The following SMAD9 variants were observed in gnomAD, a reference collection of about 807,000 sequenced individuals.
The protein encoded by SMAD9 is SMAD family member 9, also known as MAD homolog 9.
SMAD9 carries 36 observed loss-of-function variants against 46.1 expected under a neutral mutation model. That is an observed-to-expected ratio of 0.78 (90% confidence interval 0.60 to 1.03). SMAD9 has a LOEUF of 1.03. Among genes scored for constraint, SMAD9 ranks in the 50% least tolerant of loss-of-function variants. The probability of loss-of-function intolerance (pLI) is 0.00; values close to 1 mark genes in which losing one functional copy is unlikely to be tolerated. For missense variants in SMAD9, 572 were observed against 599.8 expected, an observed-to-expected ratio of 0.95 and a Z score of 0.48; for synonymous variants, 245 against 237.1, an observed-to-expected ratio of 1.03 and a Z score of -0.31.
chr13:36,917,498 T>C (rs1160503178), intron 1 of SMAD9, among the ~76,000 whole-genome samples: 1 of 152,096 alleles, frequency 6.6e-6, no homozygotes, highest in East Asian at 1.9e-4. Context: ...TTTGAGAAGA[T>C]TCATGGTTTC....
chr13:36,906,837 G>A (rs1250584358), intron 1 of SMAD9, among the ~76,000 whole-genome samples: 1 of 152,168 alleles, frequency 6.6e-6, no homozygotes, highest in Non-Finnish European at 1.5e-5. Flanking sequence ...AGCAGGTGTG[G>A]GAGAGAGTCT....
At chr13:36,896,474 T>C (rs939927563) in intron 1 of SMAD9, among the ~76,000 whole-genome samples, 2 of 151,934 alleles carry the variant, frequency 1.3e-5, no homozygotes, top group South Asian at 2.1e-4. Context: ...CAACTCTTCC[T>C]CTCCATCTTC....
At chr13:36,852,110 T>C in intron 6 of SMAD9, 3 of 975,478 alleles carry the variant, frequency 3.1e-6, no homozygotes, top group Non-Finnish European at 3.7e-6. Flanking sequence ...TGAAACTGCT[T>C]TGTCACCATG....
At chr13:36,879,018 C>T (rs914420164) in intron 2 of SMAD9, among the ~76,000 whole-genome samples, 3 of 152,130 alleles carry the variant, frequency 2.0e-5, no homozygotes, top group African/African-American at 4.8e-5. Flanking sequence ...GGTTTTACTG[C>T]GATTCTCTTT....
intron 3 of SMAD9, among the ~76,000 whole-genome samples, chr13:36,871,230 T>G (rs2058290560): frequency 6.6e-6 from 1 of 152,148 alleles, no homozygotes. Flanking sequence ...TTCTAATGCC[T>G]GTGTGGGCTG....
intron 5 of SMAD9, among the ~76,000 whole-genome samples, chr13:36,860,480 C>T (rs2058170460): frequency 2.1e-5 from 3 of 143,760 alleles, no homozygotes; most frequent in South Asian, 2.2e-4. Context: ...GATGGAGTCT[C>T]GCTCTGTCGC....
rs550073683 is a variant in SMAD9 at position 36,899,708 on chromosome 13, C to T, written c.-186-19833G>A. 1.8e-4 allele frequency among the ~76,000 whole-genome samples: 27 copies of T among 152,176 alleles called. No homozygotes were observed. In the South Asian group the frequency reaches 5.6e-3, roughly 32 times the overall value. ...CAGGGTCTGGAGCTCAAAGAAGAGGCTGAACTGAAGGATGGAATCCTAAAT... is the reference window on the plus strand; with the variant it reads ...CAGGGTCTGGAGCTCAAAGAAGAGGTTGAACTGAAGGATGGAATCCTAAAT... On this transcript the variant is annotated intron_variant, in intron 1 of 6. Transcript: ENST00000379826.
intron 1 of SMAD9, among the ~76,000 whole-genome samples, chr13:36,894,211 A>C (rs910573438): frequency 6.6e-6 from 1 of 152,174 alleles, no homozygotes; most frequent in Admixed American, 6.5e-5. Flanking sequence ...TGGAGCTCCC[A>C]TAATTCCCAC....
intron 1 of SMAD9, among the ~76,000 whole-genome samples, chr13:36,913,967 T>C (rs577644648): frequency 1.3e-5 from 2 of 152,328 alleles, no homozygotes; most frequent in East Asian, 3.9e-4. Context: ...TATGAACAAA[T>C]GGTGTTCAAT....
At position 36,912,474 on chromosome 13, in the gene SMAD9, T is replaced by C. The variant is rs1306105527; in HGVS notation, c.-187+7642A>G. Among the ~76,000 whole-genome samples, 10 of 152,164 alleles carry C rather than the reference T, an allele frequency of 6.6e-5. 1 individual carries two copies. The highest frequency in any genetic ancestry group is 2.1e-4 in the South Asian group (1 of 4,824). ...AAACATATTATTATCAGGCAAGTAA[T>C]AGGTGCACTATTACAACAGTTACTA... On this transcript the variant is annotated intron_variant, in intron 1 of 6. Transcript: ENST00000379826.
intron 6 of SMAD9, chr13:36,852,122 AAG>A (rs2058079652): frequency 1.0e-6 from 1 of 973,840 alleles, no homozygotes; most frequent in Non-Finnish European, 1.2e-6. Flanking sequence ...GTCACCATGA[AAG>A]AGAAATAATT....
At chr13:36,900,383 T>C (rs9547694) in intron 1 of SMAD9, among the ~76,000 whole-genome samples, 35,832 of 151,800 alleles carry the variant, frequency 0.24, 4,347 homozygotes, top group African/African-American at 0.28. Context: ...CAGGTTCAAG[T>C]GATTCTCCTG....
chr13:36,918,961 C>T (rs1247109853), intron 1 of SMAD9, among the ~76,000 whole-genome samples: 1 of 152,130 alleles, frequency 6.6e-6, no homozygotes, highest in Non-Finnish European at 1.5e-5. Context: ...CCTACATTTC[C>T]AAAAGATCAT....
intron 1 of SMAD9, among the ~76,000 whole-genome samples, chr13:36,905,774 C>CAAAAAAAAAAAAAAAAAAAAAA (rs60358673): frequency 3.0e-5 from 2 of 66,452 alleles, no homozygotes; most frequent in Non-Finnish European, 5.5e-5. Flanking sequence ...GACCCTGTCT[C>CAAAAAAAAAAAAAAAAAAAAAA]AAAAAAAAAA....
chr13:36,902,629 T>C (rs1377441518), intron 1 of SMAD9, among the ~76,000 whole-genome samples: 1 of 152,032 alleles, frequency 6.6e-6, no homozygotes, highest in Non-Finnish European at 1.5e-5. Context: ...AATTTTTTTT[T>C]GTATTTTTAG....
chr13:36,881,519 C>A (rs764335491), intron 1 of SMAD9, among the ~76,000 whole-genome samples: 5 of 152,170 alleles, frequency 3.3e-5, no homozygotes, highest in Non-Finnish European at 7.3e-5. Flanking sequence ...AGGAGGATGG[C>A]AGCATGGTCC....
intron 1 of SMAD9, among the ~76,000 whole-genome samples, chr13:36,889,102 C>T (rs1345449958): frequency 6.6e-6 from 1 of 152,190 alleles, no homozygotes; most frequent in African/African-American, 2.4e-5. Context: ...GATTCTGCTT[C>T]AGAAGAAATA....
In SMAD9 at chr13:36,846,089, T is replaced by C. The variant is rs1053272281; in HGVS notation, c.*2587A>G. ...ATCCTCCCGCCTTGGCCTCCCAAAG[T>C]GCTGGGACTATAGGAATGAGCCACT... On this transcript the variant is annotated 3_prime_UTR_variant, in exon 7 of 7. Coordinates refer to ENST00000379826, the MANE Select transcript of SMAD9 (RefSeq NM_001127217.3). 6.6e-6 allele frequency: 1 copy of C among 152,048 alleles called. No individual in the cohort carries two copies. The highest frequency in any genetic ancestry group is 1.5e-5 in the Non-Finnish European group (1 of 68,026). 9.4% of individuals were successfully genotyped at this position (152,048 alleles called of 1,614,324 possible). A position where few individuals can be genotyped will look rare whatever the true frequency, so the allele number is the denominator to read the frequency against.
intron 1 of SMAD9, among the ~76,000 whole-genome samples, chr13:36,891,718 C>A (rs1013827641): frequency 7.2e-5 from 11 of 152,116 alleles, no homozygotes; most frequent in Non-Finnish European, 1.3e-4. Flanking sequence ...TCAAGCTAAT[C>A]CAACTTGCTA....
Sources: gnomAD v4.1 joint callset for allele counts (sites outside exome capture counted in the v4.1 genomes callset) on GRCh38, gnomAD v4.1.1 for gene constraint, MANE v1.5 for transcripts, NCBI Gene and HGNC (gene_info 2026-07-23, HGNC 2026-07-21) for gene names.